Variants in PIEZO2 observed in about 807,000 individuals in gnomAD.
The protein encoded by PIEZO2 is piezo-type mechanosensitive ion channel component 2.
Under a neutral mutation model 337.3 loss-of-function variants are expected in PIEZO2, and 172 were observed. That is an observed-to-expected ratio of 0.51 (90% CI 0.45 to 0.58). PIEZO2 has a LOEUF of 0.58. Ranked by LOEUF, PIEZO2 falls within the 20% of genes least tolerant of loss-of-function variation. The probability of loss-of-function intolerance (pLI) is 0.00; values close to 1 mark genes in which losing one functional copy is unlikely to be tolerated. For synonymous variants in PIEZO2, 1,251 were observed against 1,228.5 expected (o/e 1.02, Z -0.38); for missense variants, 3,028 against 3,391.3 (o/e 0.89, Z 2.66).
Position 11,126,630 on chromosome 18 carries a change from TA to T in PIEZO2, c.64+21894del, listed in dbSNP as rs1829424943. Among the ~76,000 whole-genome samples the T allele has an allele frequency of 6.6e-6, 1 of 150,982 alleles. No homozygotes were observed. The highest frequency in any genetic ancestry group is 1.5e-5 in the Non-Finnish European group (1 of 67,796). On this transcript the variant is annotated intron_variant, in intron 1 of 55. Transcript: ENST00000674853. This position sits in a 1 kb window ranked among gnomAD's most constrained non-coding sequence, Gnocchi z 4.6. ...TCAAGAGCAGGAGCCATGCCTTACA[TA>T]TTTTTTTTTTTTTGTATTCCCAGAA...
intron 1 of PIEZO2, among the ~76,000 whole-genome samples, chr18:11,066,552 A>G (rs1452782068): frequency 6.6e-6 from 1 of 152,232 alleles, no homozygotes; most frequent in Non-Finnish European, 1.5e-5. Context: ...GTAAATTGTG[A>G]CACCAAACAC....
chr18:10,724,731 G>A lies in PIEZO2; in HGVS notation c.5030-6472C>T. 1.3e-6 allele frequency: 2 copies of A among 1,509,260 alleles called. No individual in the cohort carries two copies. The highest frequency in any genetic ancestry group is 1.9e-5 in the Admixed American group (1 of 51,426). The allele number at this position is 1,509,260 out of a possible 1,614,324, so 93.5% of individuals were successfully genotyped here. ...ACTCAGACCGAGATGGGCCACCACT[G>A]TACCCCTGGTCTCAGTCCCTGGCCT... On this transcript the variant is annotated intron_variant, in intron 36 of 55. Coordinates refer to ENST00000674853, the MANE Select transcript of PIEZO2 (RefSeq NM_001378183.1). The surrounding 1 kb of genome is among the most constrained non-coding windows in gnomAD (Gnocchi z 5.8).
chr18:10,949,958 CA>C (rs1045654883), intron 3 of PIEZO2, among the ~76,000 whole-genome samples: 3 of 152,030 alleles, frequency 2.0e-5, no homozygotes, highest in Non-Finnish European at 4.4e-5. Flanking sequence ...AATACTTCAC[CA>C]AAAAACACTG....
Position 10,714,138 on chromosome 18 carries a change from GC to G in PIEZO2, c.5423+625del, listed in dbSNP as rs375536338. 4.4e-3 allele frequency among the ~76,000 whole-genome samples: 673 copies of G among 152,244 alleles called. 3 individuals carry two copies. The highest frequency in any genetic ancestry group is 0.016 in the African/African-American group (646 of 41,534). Reference sequence around the variant, plus strand: ...CTCCCTGTAACCGAATTCTGTCTTTGCAAAACAGGGATAATAATAGCATGCA... The same window carrying G: ...CTCCCTGTAACCGAATTCTGTCTTTGAAAACAGGGATAATAATAGCATGCA... On this transcript the variant is annotated intron_variant, in intron 39 of 55. Coordinates refer to ENST00000674853, the MANE Select transcript of PIEZO2 (RefSeq NM_001378183.1).
chr18:10,704,770 C>G (rs1413967799), intron 41 of PIEZO2, 118 bp from the exon 42 acceptor site: 1 of 1,224,348 alleles, frequency 8.2e-7, no homozygotes. Context: ...CTGCAACCTC[C>G]GCCTCCCGAA....
chr18:10,948,033 T>G (rs903626333), intron 3 of PIEZO2, among the ~76,000 whole-genome samples: 13 of 152,050 alleles, frequency 8.5e-5, no homozygotes, highest in Non-Finnish European at 1.9e-4. Context: ...GAACAGATAG[T>G]GCAAACAGAA....
In PIEZO2 at chr18:10,748,736, A is replaced by C; in HGVS notation, c.4265-106T>G. 9.4e-7 allele frequency: 1 copy of C among 1,064,498 alleles called. No homozygotes were observed. 65.9% of individuals were successfully genotyped at this position (1,064,498 alleles called of 1,614,324 possible). A position where few individuals can be genotyped will look rare whatever the true frequency, so the allele number is the denominator to read the frequency against. ...GCTTGGGAAATATAGGCATAAAAGC[A>C]GCATTCTGATGCTCTGACTTACTTA... On this transcript the variant is annotated intron_variant, in intron 29 of 55. Transcript: ENST00000674853. This position sits in a 1 kb window ranked among gnomAD's most constrained non-coding sequence, Gnocchi z 5.1.
chr18:11,005,658 A>G (rs1172222693), intron 2 of PIEZO2, among the ~76,000 whole-genome samples: 2 of 152,196 alleles, frequency 1.3e-5, no homozygotes, highest in African/African-American at 4.8e-5. Context: ...TGAGAGGCCC[A>G]GCTTAGCTGG....
intron 2 of PIEZO2, among the ~76,000 whole-genome samples, chr18:11,046,601 C>T (rs569639757): frequency 3.3e-5 from 5 of 152,358 alleles, no homozygotes; most frequent in East Asian, 1.9e-4. Flanking sequence ...GCCGTGGCTC[C>T]GCTGGGTGCT....
At chr18:10,779,148 C>T (rs947635149) in intron 18 of PIEZO2, among the ~76,000 whole-genome samples, 3 of 152,186 alleles carry the variant, frequency 2.0e-5, no homozygotes, top group Non-Finnish European at 2.9e-5. Flanking sequence ...CCTCCCTCAG[C>T]AATCCACAAG....
intron 41 of PIEZO2, 45 bp from the exon 42 acceptor site, chr18:10,704,697 T>C (rs1598379281): frequency 6.6e-7 from 1 of 1,512,534 alleles, no homozygotes; most frequent in South Asian, 1.2e-5. Flanking sequence ...TTTTTTCTTC[T>C]TTTTGAGATG....
chr18:10,800,096 T>A (rs1203117927), intron 11 of PIEZO2, among the ~76,000 whole-genome samples: 6 of 152,164 alleles, frequency 3.9e-5, no homozygotes, highest in African/African-American at 1.4e-4. Context: ...TTTAAAATAC[T>A]ATTTTCACCT....
chr18:10,712,910 A>G (rs2035875517), intron 39 of PIEZO2, among the ~76,000 whole-genome samples: 1 of 152,222 alleles, frequency 6.6e-6, no homozygotes, highest in Non-Finnish European at 1.5e-5. Flanking sequence ...TTCTTTCCAT[A>G]AAAATATACA....
At chr18:10,725,485 A>G (rs2036497254) in intron 36 of PIEZO2, 1 of 1,495,506 alleles carries the variant, frequency 6.7e-7, no homozygotes, top group Admixed American at 1.8e-5. Flanking sequence ...ATCCGGGTGG[A>G]TGGGTAGGCA....
chr18:10,735,946 C>G (rs1192751050), intron 34 of PIEZO2, among the ~76,000 whole-genome samples: 1 of 152,178 alleles, frequency 6.6e-6, no homozygotes, highest in African/African-American at 2.4e-5. Context: ...AATTTTCATC[C>G]CATACATGAC....
intron 7 of PIEZO2, among the ~76,000 whole-genome samples, chr18:10,839,118 T>C (rs536739666): frequency 2.0e-5 from 3 of 152,286 alleles, no homozygotes; most frequent in East Asian, 3.9e-4. Flanking sequence ...GCATCTGCTA[T>C]TGTTTCTAGA....
chr18:10,885,081 C>T (rs1045747838), intron 4 of PIEZO2, among the ~76,000 whole-genome samples: 1 of 152,028 alleles, frequency 6.6e-6, no homozygotes, highest in Non-Finnish European at 1.5e-5. Context: ...AAATACATTC[C>T]CGAAAAACAG....
At chr18:10,701,675 A>C (rs1176608564) in intron 43 of PIEZO2, among the ~76,000 whole-genome samples, 1 of 152,254 alleles carries the variant, frequency 6.6e-6, no homozygotes, top group Non-Finnish European at 1.5e-5. Flanking sequence ...ACATCATTCA[A>C]GCAATGTTCC....
intron 31 of PIEZO2, among the ~76,000 whole-genome samples, chr18:10,743,850 GA>G (rs2037319641): frequency 1.3e-5 from 2 of 152,144 alleles, no homozygotes; most frequent in East Asian, 3.9e-4. Flanking sequence ...GGACTTAAAT[GA>G]CCTGTTCAAG....
Sources: allele counts gnomAD v4.1 joint callset (sites outside exome capture counted in the v4.1 genomes callset), GRCh38; gene constraint gnomAD v4.1.1; non-coding constraint Gnocchi (gnomAD v3.1); transcripts MANE v1.5; gene names NCBI Gene and HGNC (gene_info 2026-07-23, HGNC 2026-07-21).